PLD5: variants seen among roughly 807,000 people sequenced by gnomAD.
PLD5 encodes the protein phospholipase D family member 5.
Under a neutral mutation model 61.1 loss-of-function variants are expected in PLD5, and 36 were observed. The ratio of observed to expected loss-of-function variants is 0.59; its 90% CI spans 0.45 to 0.78. The LOEUF is 0.78. PLD5 is among the 30% of genes least tolerant of loss of function. The probability of loss-of-function intolerance (pLI) is 0.00; values close to 1 mark genes in which losing one functional copy is unlikely to be tolerated. For missense variants in PLD5, 515 were observed against 644.4 expected, an observed-to-expected ratio of 0.80 and a Z score of 2.17; for synonymous variants, 243 against 242.8, an observed-to-expected ratio of 1.00 and a Z score of -0.01.
At chr1:242,386,038 C>G (rs1172976488) in intron 1 of PLD5, among the ~76,000 whole-genome samples, 1 of 152,132 alleles carries the variant, frequency 6.6e-6, no homozygotes, top group Non-Finnish European at 1.5e-5. Context: ...GGACCCTCTC[C>G]TTGGCTTGTA....
chr1:242,185,947 G>A (rs992453322), intron 5 of PLD5, among the ~76,000 whole-genome samples: 1 of 152,012 alleles, frequency 6.6e-6, no homozygotes, highest in Non-Finnish European at 1.5e-5. Flanking sequence ...CAAACTCAGA[G>A]TGATTACCCA....
chr1:242,248,999 T>G (rs545497682), intron 4 of PLD5, among the ~76,000 whole-genome samples: 2 of 152,174 alleles, frequency 1.3e-5, no homozygotes, highest in Admixed American at 6.5e-5. Context: ...AATACAAAAA[T>G]TAGCCGGGTG....
intron 1 of PLD5, among the ~76,000 whole-genome samples, chr1:242,360,244 G>C (rs2149235587): frequency 6.6e-6 from 1 of 151,868 alleles, no homozygotes; most frequent in Non-Finnish European, 1.5e-5. Context: ...ATCCTACTTA[G>C]TACATGTTCA....
intron 1 of PLD5, among the ~76,000 whole-genome samples, chr1:242,370,149 A>C (rs1333855408): frequency 6.6e-6 from 1 of 152,224 alleles, no homozygotes; most frequent in Non-Finnish European, 1.5e-5. Context: ...CTCGGTCTGC[A>C]GTGATAGTCT....
At chr1:242,148,993 A>T (rs1194417211) in intron 5 of PLD5, among the ~76,000 whole-genome samples, 1 of 151,298 alleles carries the variant, frequency 6.6e-6, no homozygotes, top group South Asian at 2.1e-4. Flanking sequence ...TTCCAAGTCT[A>T]TGCCTTTTAT....
At chr1:242,242,444 T>C (rs1229438585) in intron 4 of PLD5, among the ~76,000 whole-genome samples, 1 of 152,226 alleles carries the variant, frequency 6.6e-6, no homozygotes, top group African/African-American at 2.4e-5. Flanking sequence ...TTAGGCATTT[T>C]TAAATGTAAT....
At chr1:242,336,895 C>T (rs373363919) in intron 2 of PLD5, among the ~76,000 whole-genome samples, 15 of 152,306 alleles carry the variant, frequency 9.8e-5, no homozygotes, top group East Asian at 3.9e-4. Flanking sequence ...CTGACCTATA[C>T]GTTTCTCTGT....
chr1:242,403,684 T>A (rs1377385870), intron 1 of PLD5, among the ~76,000 whole-genome samples: 1 of 151,968 alleles, frequency 6.6e-6, no homozygotes, highest in Non-Finnish European at 1.5e-5. Context: ...GCCAGGCTGG[T>A]CTCGAACCCT....
chr1:242,507,616 A>G (rs1668769240), intron 1 of PLD5, among the ~76,000 whole-genome samples: 2 of 152,228 alleles, frequency 1.3e-5, no homozygotes, highest in Admixed American at 1.3e-4. Context: ...CTCAAACTGG[A>G]CAGCTAATCT....
In PLD5 at chr1:242,524,254, C is replaced by A. The variant is rs1019721603; in HGVS notation, c.23G>T (p.Trp8Leu). ...GCCCTCATGGGGGGAGGCCGAGAGCCACTCGTGCTGCCGGATCTCCATCCT... is the reference window on the plus strand; with the variant it reads ...GCCCTCATGGGGGGAGGCCGAGAGCAACTCGTGCTGCCGGATCTCCATCCT... The part of the protein sequence containing the change: MEIRQHE[W>L]LSASPHEGFE... Residue 8 changes from tryptophan (W) to leucine (L), a missense_variant, in exon 1 of 10, where the codon TGG (tryptophan) becomes TTG (leucine). Physicochemically the swap from Trp to Leu is moderately conservative, Grantham distance 61. Around this residue, in one of 2 missense-constraint regions of PLD5, gnomAD observed 65 missense variants for 46.3 expected, o/e 1.40. Coordinates refer to ENST00000536534, the MANE Select transcript of PLD5 (RefSeq NM_001372062.1). 5 of 1,492,198 alleles carry A rather than the reference C, an allele frequency of 3.4e-6. No individual in the cohort carries two copies. The African/African-American group carries it at 5.8e-5, about 17-fold the overall frequency. The allele number at this position is 1,492,198 out of a possible 1,614,324, so 92.4% of individuals were successfully genotyped here.
intron 5 of PLD5, among the ~76,000 whole-genome samples, chr1:242,194,383 T>C (rs1489697865): frequency 6.6e-6 from 1 of 152,058 alleles, no homozygotes; most frequent in Non-Finnish European, 1.5e-5. Flanking sequence ...GAACTAAAAG[T>C]AGAACTGCCA....
intron 4 of PLD5, among the ~76,000 whole-genome samples, chr1:242,222,541 C>T (rs1324593863): frequency 2.0e-5 from 3 of 152,226 alleles, no homozygotes; most frequent in African/African-American, 4.8e-5. Context: ...CATCTCCTGG[C>T]GTGGGACACT....
intron 4 of PLD5, among the ~76,000 whole-genome samples, chr1:242,223,843 T>G (rs1446960671): frequency 1.6e-5 from 2 of 128,918 alleles, no homozygotes; most frequent in Non-Finnish European, 3.2e-5. Flanking sequence ...GCTGTAGATA[T>G]ATATAAATAG....
intron 1 of PLD5, among the ~76,000 whole-genome samples, chr1:242,412,823 G>T (rs1664627420): frequency 6.6e-6 from 1 of 152,142 alleles, no homozygotes; most frequent in Non-Finnish European, 1.5e-5. Flanking sequence ...TCTCTGGGAG[G>T]AGTGCCTAAG....
At chr1:242,231,411 A>G (rs996981317) in intron 4 of PLD5, among the ~76,000 whole-genome samples, 1 of 152,192 alleles carries the variant, frequency 6.6e-6, no homozygotes. Context: ...GTAGCTTTGG[A>G]GGAGCTTTGC....
intron 1 of PLD5, among the ~76,000 whole-genome samples, chr1:242,502,177 A>C (rs1270076497): frequency 6.6e-6 from 1 of 152,132 alleles, no homozygotes; most frequent in Non-Finnish European, 1.5e-5. Flanking sequence ...TCTCCACTGC[A>C]ATGTCTCTCA....
intron 1 of PLD5, among the ~76,000 whole-genome samples, chr1:242,436,862 T>C (rs1223064762): frequency 1.3e-5 from 2 of 152,342 alleles, no homozygotes; most frequent in East Asian, 3.9e-4. Flanking sequence ...TTACATTTAA[T>C]ATTTATTCTA....
At chr1:242,156,973 G>T (rs184863284) in intron 5 of PLD5, among the ~76,000 whole-genome samples, 1 of 152,090 alleles carries the variant, frequency 6.6e-6, no homozygotes, top group African/African-American at 2.4e-5. Context: ...CATTCTCCCC[G>T]TCACTTTCAG....
At chr1:242,492,294 C>T (rs1668182495) in intron 1 of PLD5, among the ~76,000 whole-genome samples, 1 of 151,836 alleles carries the variant, frequency 6.6e-6, no homozygotes, top group African/African-American at 2.4e-5. Flanking sequence ...CGTGGATCAC[C>T]TGAGGTCAGG....
Sources: allele counts gnomAD v4.1 joint callset (sites outside exome capture counted in the v4.1 genomes callset), GRCh38; gene constraint gnomAD v4.1.1; regional missense constraint gnomAD v4.1.1; transcripts MANE v1.5; gene names NCBI Gene and HGNC (gene_info 2026-07-23, HGNC 2026-07-21).